Variants in STAMBP observed in about 807,000 individuals in gnomAD.
STAMBP encodes the protein STAM-binding protein.
In STAMBP, 31 loss-of-function variants were observed where a neutral mutation model predicts 50.7. The observed-to-expected ratio is 0.61, with a 90% CI of 0.46 to 0.83. STAMBP has a LOEUF of 0.83. Among genes scored for constraint, STAMBP ranks in the 40% least tolerant of loss-of-function variants. The probability of loss-of-function intolerance (pLI) is 0.00; values close to 1 mark genes in which losing one functional copy is unlikely to be tolerated. For missense variants in STAMBP, 472 were observed against 518.9 expected (o/e 0.91, Z 0.88); for synonymous variants, 211 against 192.4 (o/e 1.10, Z -0.80).
chr2:73,845,731 A>C (rs1369058901), intron 4 of STAMBP, among the ~76,000 whole-genome samples: 1 of 150,698 alleles, frequency 6.6e-6, no homozygotes, highest in Non-Finnish European at 1.5e-5. Context: ...TCCCCGACTC[A>C]AGTGATTCTC....
downstream of STAMBP, among the ~76,000 whole-genome samples, chr2:73,869,794 A>T (rs533863043): frequency 7.2e-5 from 11 of 152,338 alleles, no homozygotes; most frequent in South Asian, 2.3e-3. Context: ...ATACTGACCG[A>T]GGACTAGATT....
intron 8 of STAMBP, 61 bp downstream of exon 8, chr2:73,859,427 G>T: frequency 7.7e-7 from 1 of 1,302,502 alleles, no homozygotes; most frequent in Non-Finnish European, 1.1e-6. Context: ...AAAGCCTCAG[G>T]GGAAAAGGTC....
In STAMBP at chr2:73,863,239, C is replaced by T. The variant is rs954449566; in HGVS notation, c.*980C>T. 1.3e-5 allele frequency: 2 copies of T among 152,156 alleles called. No homozygotes were observed. Among genetic ancestry groups the T allele is most frequent in the Non-Finnish European group, 2.9e-5 (2 of 68,032 alleles). 9.4% of individuals were successfully genotyped at this position (152,156 alleles called of 1,614,324 possible). On this transcript the variant is annotated 3_prime_UTR_variant, in exon 10 of 10. Transcript: ENST00000394070. ...CCCAGCCACCCCACCCTACCAATTT[C>T]ATTGTGTTGGCTGTTCTTTTCTGAC...
chr2:73,851,174 G>A (rs563117966), intron 7 of STAMBP, among the ~76,000 whole-genome samples: 1 of 152,278 alleles, frequency 6.6e-6, no homozygotes, highest in Admixed American at 6.5e-5. Flanking sequence ...ATACTTGTAT[G>A]CCAGAATTTG....
chr2:73,860,421 C>A, intron 9 of STAMBP: 1 of 564,736 alleles, frequency 1.8e-6, no homozygotes, highest in Non-Finnish European at 2.6e-6. Context: ...ATAATAACAC[C>A]TACTTTATAG....
At chr2:73,852,877 G>GTA (rs1196899849) in intron 7 of STAMBP, among the ~76,000 whole-genome samples, 1 of 147,892 alleles carries the variant, frequency 6.8e-6, no homozygotes, top group Non-Finnish European at 1.5e-5. Context: ...GTGTGTGTGT[G>GTA]TGTGTATTTT....
intron 9 of STAMBP, among the ~76,000 whole-genome samples, chr2:73,861,600 C>G (rs1214224097): frequency 6.6e-6 from 1 of 151,946 alleles, no homozygotes; most frequent in Non-Finnish European, 1.5e-5. Context: ...CTCACTGCAG[C>G]CTCTGCCCCC....
intron 2 of STAMBP, among the ~76,000 whole-genome samples, chr2:73,831,412 A>T (rs144095357): frequency 6.6e-6 from 1 of 152,360 alleles, no homozygotes; most frequent in African/African-American, 2.4e-5. Flanking sequence ...GGGGTCTAGC[A>T]GAGCCAAAAT....
rs1261874217 is a variant in STAMBP, at chr2:73,860,182, A to G, written c.1218+31A>G. 3.2e-6 allele frequency: 5 copies of G among 1,573,778 alleles called. No individual in the cohort carries two copies. In the South Asian group the frequency reaches 4.5e-5, roughly 14 times the overall value. ...TATCTATGTAAAAGAAAATGGGGCT[A>G]TGCTTCAAGCAGGGAGGACAGTCAG... On this transcript the variant is annotated intron_variant, in intron 9 of 9. Coordinates refer to ENST00000394070, the MANE Select transcript of STAMBP (RefSeq NM_213622.4).
chr2:73,834,828 C>G (rs543915074), intron 2 of STAMBP, among the ~76,000 whole-genome samples: 1 of 152,068 alleles, frequency 6.6e-6, no homozygotes, highest in Non-Finnish European at 1.5e-5. Context: ...ACACAGGTAA[C>G]TATGTGTTTA....
chr2:73,831,185 A>G, intron 2 of STAMBP, 126 bp downstream of exon 2: 1 of 732,604 alleles, frequency 1.4e-6, no homozygotes, highest in Non-Finnish European at 2.3e-6. Context: ...GGCAACTCCT[A>G]CATATTGGCT....
intron 2 of STAMBP, among the ~76,000 whole-genome samples, chr2:73,832,082 A>AAGATATATATATATATATATATAT (rs1558553820): frequency 2.3e-5 from 2 of 85,844 alleles, no homozygotes; most frequent in East Asian, 7.1e-4. Context: ...TTGAGTAGGT[A>AAGATATATATATATATATATATAT]ACATATATAT....
intron 2 of STAMBP, among the ~76,000 whole-genome samples, chr2:73,840,753 A>AAT (rs1553379450): frequency 6.6e-6 from 1 of 151,038 alleles, no homozygotes; most frequent in African/African-American, 2.4e-5. Flanking sequence ...CAAAAAAAAA[A>AAT]AAATAAATAA....
downstream of STAMBP, among the ~76,000 whole-genome samples, chr2:73,869,706 C>A (rs924879889): frequency 3.3e-5 from 5 of 150,986 alleles, no homozygotes; most frequent in Admixed American, 6.6e-5. Flanking sequence ...GCACATGTAC[C>A]CTAAAACTTA....
At chr2:73,867,684 A>G (rs569485303), downstream of STAMBP, among the ~76,000 whole-genome samples, 67 of 152,358 alleles carry the variant, frequency 4.4e-4, no homozygotes, top group Non-Finnish European at 8.7e-4. Context: ...TAATTTCTAC[A>G]AATTATACAG....
chr2:73,832,740 A>G (rs1327981886), intron 2 of STAMBP, among the ~76,000 whole-genome samples: 3 of 152,134 alleles, frequency 2.0e-5, no homozygotes, highest in Non-Finnish European at 2.9e-5. Flanking sequence ...TCTGCTCACC[A>G]GATGCCAGTA....
chr2:73,857,626 A>G (rs1248389512), intron 7 of STAMBP, among the ~76,000 whole-genome samples: 3 of 152,226 alleles, frequency 2.0e-5, no homozygotes, highest in Non-Finnish European at 2.9e-5. Context: ...ATCTATAACC[A>G]TGAGCTAGGA....
chr2:73,838,718 A>G lies in STAMBP; in HGVS notation c.204-6095A>G, dbSNP rs199507474. The stretch of plus-strand genomic sequence containing the variant: ...GGAGTTTGTCCCTGTCACTTATAGG[A>G]CCACTTAAAATGATGAACTACTAGG... On this transcript the variant is annotated intron_variant, in intron 2 of 9. Coordinates refer to ENST00000394070, the MANE Select transcript of STAMBP (RefSeq NM_213622.4). 6.6e-5 allele frequency among the ~76,000 whole-genome samples: 10 copies of G among 152,316 alleles called. No homozygotes were observed. The East Asian group carries it at 1.9e-3, about 29-fold the overall frequency.
At chr2:73,861,644 G>A (rs111794942) in intron 9 of STAMBP, among the ~76,000 whole-genome samples, 3 of 150,824 alleles carry the variant, frequency 2.0e-5, no homozygotes, top group East Asian at 2.0e-4. Context: ...TCAGCCTCTC[G>A]AGTAGCTGGG....
Sources: gnomAD v4.1 joint callset for allele counts (sites outside exome capture counted in the v4.1 genomes callset) on GRCh38, gnomAD v4.1.1 for gene constraint, MANE v1.5 for transcripts, NCBI Gene and HGNC (gene_info 2026-07-23, HGNC 2026-07-21) for gene names.